CNTNAP2: variants seen among roughly 807,000 people sequenced by gnomAD.
The protein encoded by CNTNAP2 is contactin associated protein 2.
Under a neutral mutation model 155.2 loss-of-function variants are expected in CNTNAP2, and 98 were observed. The ratio of observed to expected loss-of-function variants is 0.63; its 90% CI spans 0.54 to 0.75. The LOEUF is 0.75. Among genes scored for constraint, CNTNAP2 ranks in the 30% least tolerant of loss-of-function variants. The pLI, the probability that CNTNAP2 is intolerant of heterozygous loss-of-function variation, is 0.00. For synonymous variants in CNTNAP2, 651 were observed against 631.2 expected, an observed-to-expected ratio of 1.03 and a Z score of -0.47; for missense variants, 1,727 against 1,688.1, an observed-to-expected ratio of 1.02 and a Z score of -0.40.
chr7:148,183,102 G>A (rs377425734), intron 18 of CNTNAP2, among the ~76,000 whole-genome samples: 2 of 152,216 alleles, frequency 1.3e-5, no homozygotes, highest in Non-Finnish European at 2.9e-5. Context: ...TGCTGTGGGG[G>A]AAGCAGTGGA....
chr7:147,186,077 CAT>C (rs1802560439), intron 8 of CNTNAP2, among the ~76,000 whole-genome samples: 1 of 152,048 alleles, frequency 6.6e-6, no homozygotes, highest in African/African-American at 2.4e-5. Flanking sequence ...AACAGACTAA[CAT>C]GTGCATATGT....
At chr7:148,092,915 G>T (rs1457114350) in intron 15 of CNTNAP2, among the ~76,000 whole-genome samples, 2 of 148,580 alleles carry the variant, frequency 1.3e-5, no homozygotes, top group Non-Finnish European at 3.0e-5. Context: ...ACAAAGCTTT[G>T]GTCCAGGTGC....
intron 1 of CNTNAP2, among the ~76,000 whole-genome samples, chr7:146,399,984 A>G (rs1211800646): frequency 6.6e-6 from 1 of 152,108 alleles, no homozygotes; most frequent in Non-Finnish European, 1.5e-5. Flanking sequence ...TTCTGGGAAA[A>G]CTGAACTAGG....
At chr7:147,719,150 T>A (rs1407739674) in intron 13 of CNTNAP2, among the ~76,000 whole-genome samples, 1 of 152,162 alleles carries the variant, frequency 6.6e-6, no homozygotes, top group African/African-American at 2.4e-5. Context: ...GCCTCCTTCA[T>A]TGAACTTTTA....
intron 20 of CNTNAP2, among the ~76,000 whole-genome samples, chr7:148,253,051 C>T (rs55947203): frequency 0.35 from 30,721 of 87,578 alleles, 3,662 homozygotes; most frequent in Admixed American, 0.42. Flanking sequence ...GATAGATAGA[C>T]AGATGATAGA....
intron 1 of CNTNAP2, among the ~76,000 whole-genome samples, chr7:146,729,980 C>T (rs1022716939): frequency 8.6e-5 from 13 of 152,008 alleles, no homozygotes; most frequent in African/African-American, 3.1e-4. Context: ...TTAATCATCC[C>T]CAGTCACAAA....
At chr7:146,617,064 G>A (rs537818776) in intron 1 of CNTNAP2, among the ~76,000 whole-genome samples, 47 of 152,260 alleles carry the variant, frequency 3.1e-4, no homozygotes, top group African/African-American at 9.6e-4. Flanking sequence ...CTGTCGCCCA[G>A]GCTGGAGTGC....
intron 1 of CNTNAP2, among the ~76,000 whole-genome samples, chr7:146,395,036 A>G (rs1795599809): frequency 6.6e-6 from 1 of 152,050 alleles, no homozygotes; most frequent in African/African-American, 2.4e-5. Context: ...AATGATCTCC[A>G]GTTCCATCTG....
intron 1 of CNTNAP2, among the ~76,000 whole-genome samples, chr7:146,600,035 A>G (rs13247654): frequency 0.35 from 52,669 of 151,906 alleles, 11,237 homozygotes; most frequent in South Asian, 0.51. Flanking sequence ...TCTAACATTT[A>G]TCTTTGAGAG....
At chr7:148,089,850 GAT>G (rs1803802975) in intron 15 of CNTNAP2, among the ~76,000 whole-genome samples, 1 of 151,728 alleles carries the variant, frequency 6.6e-6, no homozygotes, top group Non-Finnish European at 1.5e-5. Context: ...GCAACAGAGA[GAT>G]ATCACATGAC....
intron 3 of CNTNAP2, among the ~76,000 whole-genome samples, chr7:146,896,501 A>C (rs1795880717): frequency 6.6e-6 from 1 of 152,044 alleles, no homozygotes; most frequent in Non-Finnish European, 1.5e-5. Flanking sequence ...AATATTTCTC[A>C]GTCACTATAC....
At chr7:147,235,345 G>GGGGTGTGTGTGT (rs374435627) in intron 8 of CNTNAP2, among the ~76,000 whole-genome samples, 9 of 140,882 alleles carry the variant, frequency 6.4e-5, no homozygotes, top group African/African-American at 1.9e-4. Context: ...TGGAGTTTTT[G>GGGGTGTGTGTGT]GTGTGTGTGT....
chr7:147,310,650 A>G (rs573358289), intron 9 of CNTNAP2, among the ~76,000 whole-genome samples: 2 of 152,274 alleles, frequency 1.3e-5, no homozygotes, highest in South Asian at 2.1e-4. Flanking sequence ...AGTTTATCCT[A>G]TGAAGTTGAT....
At chr7:146,882,319 A>G (rs181938877) in intron 3 of CNTNAP2, among the ~76,000 whole-genome samples, 2 of 152,122 alleles carry the variant, frequency 1.3e-5, no homozygotes, top group East Asian at 1.9e-4. Context: ...TCTTTTGGGA[A>G]TATACCCAGT....
intron 1 of CNTNAP2, among the ~76,000 whole-genome samples, chr7:146,381,116 C>T (rs1795381067): frequency 6.6e-6 from 1 of 152,028 alleles, no homozygotes; most frequent in African/African-American, 2.4e-5. Context: ...CTTATATACT[C>T]ACCTCCCACA....
At chr7:146,633,682 A>G (rs1422125499) in intron 1 of CNTNAP2, among the ~76,000 whole-genome samples, 1 of 151,914 alleles carries the variant, frequency 6.6e-6, no homozygotes, top group Admixed American at 6.6e-5. Flanking sequence ...ACAAAAAACT[A>G]GCCGGGCATG....
At position 146,942,330 on chromosome 7, in the gene CNTNAP2, C is replaced by T. The variant is rs185410483; in HGVS notation, c.403-101577C>T. 2.6e-5 allele frequency among the ~76,000 whole-genome samples: 4 copies of T among 152,164 alleles called. No individual in the cohort carries two copies. The East Asian group carries it at 5.8e-4, about 22-fold the overall frequency. On this transcript the variant is annotated intron_variant, in intron 3 of 23. Transcript: ENST00000361727. ...GAAAAACCAACTTTACTCACTTACT[C>T]TCCCTCAGCAGAGAGAATAAGATAT... is the stretch of plus-strand genomic sequence containing the variant.
chr7:147,136,840 A>AT (rs1198808259), intron 8 of CNTNAP2, among the ~76,000 whole-genome samples: 1 of 151,698 alleles, frequency 6.6e-6, no homozygotes, highest in Non-Finnish European at 1.5e-5. Flanking sequence ...TTTACTGAAA[A>AT]TTTTTTTTCA....
chr7:146,892,294 A>G (rs978445963), intron 3 of CNTNAP2, among the ~76,000 whole-genome samples: 3 of 152,132 alleles, frequency 2.0e-5, no homozygotes, highest in Admixed American at 6.6e-5. Context: ...CCCAAGTATG[A>G]ATTTTCCATG....
Sources: allele counts gnomAD v4.1 joint callset (sites outside exome capture counted in the v4.1 genomes callset), GRCh38; gene constraint gnomAD v4.1.1; transcripts MANE v1.5; gene names NCBI Gene and HGNC (gene_info 2026-07-23, HGNC 2026-07-21).